TENM3: variants seen among roughly 807,000 people sequenced by gnomAD.
TENM3 encodes teneurin-3.
TENM3 carries 63 observed loss-of-function variants against 255.1 expected under a neutral mutation model. The observed-to-expected ratio is 0.25, with a 90% confidence interval of 0.20 to 0.30. The LOEUF (loss-of-function observed/expected upper bound fraction) is 0.30, where lower values mean the gene tolerates loss of function less well. Among genes scored for constraint, TENM3 ranks in the 10% least tolerant of loss-of-function variants. TENM3 has a pLI of 1.00. For missense variants in TENM3, 2,929 were observed against 3,461.1 expected (o/e 0.85, Z 3.86); for synonymous variants, 1,306 against 1,322.3 (o/e 0.99, Z 0.27).
At chr4:181,889,565 TCG>T in the TENM3 span, among the ~76,000 whole-genome samples, 1 of 152,324 alleles carries the variant, frequency 6.6e-6, no homozygotes, top group Admixed American at 6.5e-5. Flanking sequence ...TATTTAATGA[TCG>T]TGGTAGTCGT....
chr4:181,811,532 A>G, the TENM3 span, among the ~76,000 whole-genome samples: 2 of 152,236 alleles, frequency 1.3e-5, no homozygotes, highest in African/African-American at 2.4e-5. Context: ...TGCTGCTAAT[A>G]AAGTCATGCC....
rs746183700 is a variant in TENM3 at position 182,729,197 on chromosome 4, C to G, written c.2585+16C>G. 9 of 1,586,668 alleles carry G rather than the reference C, an allele frequency of 5.7e-6. No homozygotes were observed. In the Admixed American group the frequency reaches 1.5e-4, roughly 26 times the overall value. On this transcript the variant is annotated intron_variant, in intron 14 of 27. Coordinates refer to ENST00000511685, the MANE Select transcript of TENM3 (RefSeq NM_001080477.4). ...TCAATAAGAGGTTAATGCTTCTTTT[C>G]CATATGTAGATTTGTAATGATGTTA...
intron 1 of TENM3, among the ~76,000 whole-genome samples, chr4:182,244,009 A>T (rs540408396): frequency 5.4e-5 from 7 of 130,328 alleles, no homozygotes; most frequent in African/African-American, 1.2e-4. Context: ...GCTGGAGTGC[A>T]GTGGCGTGAC....
the TENM3 span, among the ~76,000 whole-genome samples, chr4:181,635,949 A>G: frequency 6.6e-6 from 1 of 152,198 alleles, no homozygotes; most frequent in African/African-American, 2.4e-5. Flanking sequence ...CTTCCCTGCT[A>G]ACATATAGAT....
the TENM3 span, among the ~76,000 whole-genome samples, chr4:181,610,702 G>T: frequency 1.3e-5 from 2 of 151,916 alleles, no homozygotes; most frequent in Admixed American, 1.3e-4. Context: ...TAACAAGTCT[G>T]GGGGGTGGTG....
the TENM3 span, among the ~76,000 whole-genome samples, chr4:181,769,317 G>T: frequency 1.7e-3 from 252 of 152,262 alleles, no homozygotes; most frequent in African/African-American, 5.8e-3. Flanking sequence ...GCATGCAAAG[G>T]AGAGATTGCT....
chr4:182,285,098 T>A (rs1373952728), intron 1 of TENM3, among the ~76,000 whole-genome samples: 1 of 152,156 alleles, frequency 6.6e-6, no homozygotes, highest in African/African-American at 2.4e-5. Flanking sequence ...ATCTTCCATA[T>A]CAGTATTAAG....
chr4:181,759,648 CTTTG>C, the TENM3 span, among the ~76,000 whole-genome samples: 3 of 151,128 alleles, frequency 2.0e-5, no homozygotes, highest in South Asian at 2.1e-4. Context: ...TAAGTAAGGA[CTTTG>C]TTTGTAAAAT....
chr4:182,517,364 A>G (rs1580804879), intron 3 of TENM3, among the ~76,000 whole-genome samples: 1 of 151,448 alleles, frequency 6.6e-6, no homozygotes, highest in Non-Finnish European at 1.5e-5. Flanking sequence ...GGTTTAAAAA[A>G]AAACAAAGTT....
In TENM3 at chr4:182,799,486, C is replaced by T. The variant is rs1579560279; in HGVS notation, c.7345-110C>T. 1 of 1,398,106 alleles carries T rather than the reference C, an allele frequency of 7.2e-7. No individual in the cohort carries two copies. Among genetic ancestry groups the T allele is most frequent in the African/African-American group, 1.5e-5 (1 of 68,380 alleles). The allele number at this position is 1,398,106 out of a possible 1,614,324, so 86.6% of individuals were successfully genotyped here. ...CAGCCTTCTGGTCAGGGAAGGACCC[C>T]GGGGCTTCCATGCATGCCCCGGCGC... is the stretch of plus-strand genomic sequence containing the variant. On this transcript the variant is annotated intron_variant, in intron 27 of 27. Coordinates refer to ENST00000511685, the MANE Select transcript of TENM3 (RefSeq NM_001080477.4). This position sits in a 1 kb window ranked among gnomAD's most constrained non-coding sequence, Gnocchi z 4.2.
the TENM3 span, among the ~76,000 whole-genome samples, chr4:181,862,431 T>C: frequency 6.6e-6 from 1 of 152,106 alleles, no homozygotes; most frequent in East Asian, 1.9e-4. Flanking sequence ...CAATTTCCCT[T>C]TCCATCTCTT....
At chr4:182,399,047 G>A (rs764075708) in intron 3 of TENM3, among the ~76,000 whole-genome samples, 43 of 152,076 alleles carry the variant, frequency 2.8e-4, no homozygotes, top group Non-Finnish European at 4.6e-4. Flanking sequence ...GGGCTCTGTC[G>A]GGCGACTGAG....
At chr4:182,456,931 CCA>C (rs1208313556) in intron 3 of TENM3, among the ~76,000 whole-genome samples, 5 of 152,132 alleles carry the variant, frequency 3.3e-5, no homozygotes, top group African/African-American at 1.2e-4. Flanking sequence ...GCCTGTAATC[CCA>C]GCACATTGGG....
At chr4:182,211,887 A>G (rs934406265) in intron 1 of TENM3, among the ~76,000 whole-genome samples, 8 of 152,142 alleles carry the variant, frequency 5.3e-5, no homozygotes, top group African/African-American at 1.7e-4. Context: ...TCTTCTGTAA[A>G]TAGGAGGTAG....
chr4:181,767,046 A>G, the TENM3 span, among the ~76,000 whole-genome samples: 1 of 143,104 alleles, frequency 7.0e-6, no homozygotes, highest in Non-Finnish European at 1.5e-5. Context: ...AGGTCAGGAG[A>G]TCAAGACCAT....
the TENM3 span, among the ~76,000 whole-genome samples, chr4:181,637,901 G>A: frequency 6.6e-6 from 1 of 152,172 alleles, no homozygotes; most frequent in Non-Finnish European, 1.5e-5. Context: ...GAGTAAATGG[G>A]TAGATGGATG....
chr4:182,637,585 T>A (rs978801472), intron 5 of TENM3, among the ~76,000 whole-genome samples: 1 of 152,240 alleles, frequency 6.6e-6, no homozygotes, highest in African/African-American at 2.4e-5. Context: ...TTAGTGACTT[T>A]GGTAATATAA....
intron 3 of TENM3, among the ~76,000 whole-genome samples, chr4:182,450,628 C>CA (rs1773377833): frequency 6.6e-6 from 1 of 152,160 alleles, no homozygotes; most frequent in African/African-American, 2.4e-5. Flanking sequence ...GACTGAAACT[C>CA]ACAAAAATAT....
At chr4:182,468,115 G>A (rs1313181367) in intron 3 of TENM3, among the ~76,000 whole-genome samples, 1 of 152,256 alleles carries the variant, frequency 6.6e-6, no homozygotes, top group African/African-American at 2.4e-5. Flanking sequence ...GGCCGGGCCT[G>A]GTGGCTCATG....
Sources: gnomAD v4.1 joint callset for allele counts (sites outside exome capture counted in the v4.1 genomes callset) on GRCh38, gnomAD v4.1.1 for gene constraint, Gnocchi (gnomAD v3.1) non-coding constraint, MANE v1.5 for transcripts, NCBI Gene and HGNC (gene_info 2026-07-23, HGNC 2026-07-21) for gene names.